The following ULK4 variants were observed in gnomAD, a reference collection of about 807,000 sequenced individuals.
The protein encoded by ULK4 is inactive serine/threonine-protein kinase ULK4.
ULK4 carries 133 observed loss-of-function variants against 160.6 expected under a neutral mutation model. The observed-to-expected ratio is 0.83, with a 90% CI of 0.72 to 0.96. The LOEUF (loss-of-function observed/expected upper bound fraction) is 0.96, where lower values mean the gene tolerates loss of function less well. Among genes scored for constraint, ULK4 ranks in the 40% least tolerant of loss-of-function variants. ULK4 has a pLI of 0.00. For missense variants in ULK4, 1,580 were observed against 1,499.5 expected (o/e 1.05, Z -0.89); for synonymous variants, 534 against 539.8 (o/e 0.99, Z 0.15).
chr3:41,479,862 TATC>T (rs1705833208), intron 32 of ULK4, among the ~76,000 whole-genome samples: 1 of 152,180 alleles, frequency 6.6e-6, no homozygotes, highest in Non-Finnish European at 1.5e-5. Flanking sequence ...CATTTTTCCT[TATC>T]ATACTCTGTA....
At chr3:41,599,569 T>TC (rs1440440489) in intron 31 of ULK4, among the ~76,000 whole-genome samples, 2 of 145,588 alleles carry the variant, frequency 1.4e-5, no homozygotes, top group Non-Finnish European at 3.0e-5. Flanking sequence ...CTTTTTCTTT[T>TC]TTTTTTTTTT....
At chr3:41,654,617 A>G (rs1201744410) in intron 30 of ULK4, among the ~76,000 whole-genome samples, 3 of 152,206 alleles carry the variant, frequency 2.0e-5, no homozygotes, top group Non-Finnish European at 4.4e-5. Flanking sequence ...AAAGCTTTCG[A>G]TTCAAGAGAC....
intron 27 of ULK4, among the ~76,000 whole-genome samples, chr3:41,699,150 G>A (rs1015133991): frequency 1.1e-4 from 17 of 152,112 alleles, no homozygotes; most frequent in African/African-American, 3.9e-4. Flanking sequence ...CATATGTTCA[G>A]CTTTAGTAGC....
intron 17 of ULK4, among the ~76,000 whole-genome samples, chr3:41,842,863 T>C (rs1234431287): frequency 1.3e-5 from 2 of 152,126 alleles, no homozygotes; most frequent in African/African-American, 2.4e-5. Flanking sequence ...AATTCAGAAA[T>C]AGCTCCACAC....
At chr3:41,824,976 A>G (rs2041292970) in intron 18 of ULK4, among the ~76,000 whole-genome samples, 1 of 152,156 alleles carries the variant, frequency 6.6e-6, no homozygotes, top group Non-Finnish European at 1.5e-5. Flanking sequence ...CTTCCAGAGG[A>G]ACAATCGGGC....
chr3:41,569,116 C>A (rs370129364), intron 31 of ULK4, among the ~76,000 whole-genome samples: 15 of 152,204 alleles, frequency 9.9e-5, no homozygotes, highest in African/African-American at 3.6e-4. Context: ...CACCCTCCAG[C>A]AACCTGTACA....
At chr3:41,871,557 T>C (rs537447740) in intron 17 of ULK4, among the ~76,000 whole-genome samples, 1 of 152,366 alleles carries the variant, frequency 6.6e-6, no homozygotes. Flanking sequence ...TTAATAGGTG[T>C]ATAGTTGCAG....
chr3:41,702,231 A>G (rs58906769), intron 27 of ULK4, among the ~76,000 whole-genome samples: 28,684 of 151,842 alleles, frequency 0.19, 7,363 homozygotes, highest in African/African-American at 0.58. Context: ...TTGAACCTCC[A>G]CCTCCCAGAT....
intron 17 of ULK4, among the ~76,000 whole-genome samples, chr3:41,844,518 C>A (rs541189055): frequency 1.2e-4 from 18 of 152,298 alleles, no homozygotes; most frequent in Admixed American, 1.3e-4. Context: ...AAGCACCCCA[C>A]ACAGCCCCGG....
At chr3:41,268,367 T>C (rs2079080040) in intron 35 of ULK4, among the ~76,000 whole-genome samples, 1 of 152,176 alleles carries the variant, frequency 6.6e-6, no homozygotes, top group Non-Finnish European at 1.5e-5. Flanking sequence ...TGGACCAGCC[T>C]TTCTTCCAAC....
chr3:41,763,450 A>G (rs1394435050), intron 21 of ULK4, among the ~76,000 whole-genome samples: 2 of 152,196 alleles, frequency 1.3e-5, no homozygotes, highest in African/African-American at 2.4e-5. Context: ...TAGCAAAGAT[A>G]AACAAGAAAA....
intron 5 of ULK4, among the ~76,000 whole-genome samples, chr3:41,923,116 C>T (rs980522345): frequency 4.6e-5 from 7 of 150,588 alleles, no homozygotes; most frequent in Admixed American, 2.7e-4. Context: ...TGCACTGAGC[C>T]GAGATCACAC....
At chr3:41,574,624 C>T (rs1346906348) in intron 31 of ULK4, among the ~76,000 whole-genome samples, 1 of 142,252 alleles carries the variant, frequency 7.0e-6, no homozygotes. Context: ...TCAATGCAAG[C>T]TCCGCCTCCC....
chr3:41,346,315 C>T (rs2080799557), intron 35 of ULK4, among the ~76,000 whole-genome samples: 1 of 152,202 alleles, frequency 6.6e-6, no homozygotes, highest in Non-Finnish European at 1.5e-5. Flanking sequence ...GGCCACATTG[C>T]AACATCCAGG....
chr3:41,602,634 AT>A (rs2032173233), intron 31 of ULK4, among the ~76,000 whole-genome samples: 1 of 152,138 alleles, frequency 6.6e-6, no homozygotes, highest in Non-Finnish European at 1.5e-5. Flanking sequence ...TTATATAAAA[AT>A]TTTTAATAGC....
chr3:41,534,018 A>G (rs1181089225), intron 32 of ULK4, among the ~76,000 whole-genome samples: 3 of 152,150 alleles, frequency 2.0e-5, no homozygotes, highest in Admixed American at 2.0e-4. Flanking sequence ...CGTGTTAGCC[A>G]AGATGGTCTC....
intron 17 of ULK4, among the ~76,000 whole-genome samples, chr3:41,882,553 A>G (rs1276777509): frequency 1.3e-5 from 2 of 152,228 alleles, no homozygotes; most frequent in Non-Finnish European, 2.9e-5. Context: ...GAATCCTAAG[A>G]GAATTCATCC....
intron 30 of ULK4, among the ~76,000 whole-genome samples, chr3:41,618,234 G>C (rs931289147): frequency 6.6e-6 from 1 of 152,120 alleles, no homozygotes; most frequent in Non-Finnish European, 1.5e-5. Flanking sequence ...CCCCACCATA[G>C]CAAGATAGGC....
chr3:41,408,057 G>T lies in ULK4; in HGVS notation c.3493-9793C>A, dbSNP rs1420780938. Among the ~76,000 whole-genome samples the T allele has an allele frequency of 2.6e-5, 4 of 151,998 alleles. No homozygotes were observed. In the East Asian group the frequency reaches 7.7e-4, roughly 29 times the overall value. On this transcript the variant is annotated intron_variant, in intron 34 of 36. Coordinates refer to ENST00000301831, the MANE Select transcript of ULK4 (RefSeq NM_017886.4). ...ATACACTAACAATGAACAATCTGAA[G>T]TTGAAATTAAGAAAATAATTTCATT... is the stretch of plus-strand genomic sequence containing the variant.
Sources: allele counts gnomAD v4.1 joint callset (sites outside exome capture counted in the v4.1 genomes callset), GRCh38; gene constraint gnomAD v4.1.1; transcripts MANE v1.5; gene names NCBI Gene and HGNC (gene_info 2026-07-23, HGNC 2026-07-21).